Variants in RTTN observed in about 807,000 individuals in gnomAD.
RTTN encodes the protein rotatin.
RTTN carries 182 observed loss-of-function variants against 269.2 expected under a neutral mutation model. The ratio of observed to expected loss-of-function variants is 0.68; its 90% CI spans 0.60 to 0.76. RTTN has a LOEUF of 0.76. RTTN is among the 30% of genes least tolerant of loss of function. The pLI is 0.00. For synonymous variants in RTTN, 1,006 were observed against 963.5 expected (o/e 1.04, Z -0.82); for missense variants, 2,545 against 2,608.6 (o/e 0.98, Z 0.53).
chr18:70,104,081 G>A (rs1482841106), intron 28 of RTTN, among the ~76,000 whole-genome samples: 2 of 152,190 alleles, frequency 1.3e-5, no homozygotes, highest in African/African-American at 4.8e-5. Flanking sequence ...CCTGAAGAGC[G>A]TTTTCCAACT....
intron 40 of RTTN, among the ~76,000 whole-genome samples, chr18:70,032,792 T>C (rs1415902000): frequency 6.6e-6 from 1 of 152,142 alleles, no homozygotes; most frequent in Non-Finnish European, 1.5e-5. Context: ...TTAACAAAGA[T>C]ATTCAAGACC....
chr18:70,140,436 TA>T (rs2060228130), intron 19 of RTTN, among the ~76,000 whole-genome samples: 1 of 152,146 alleles, frequency 6.6e-6, no homozygotes, highest in South Asian at 2.1e-4. Flanking sequence ...AAAAAAGAAT[TA>T]TGGAACTAGT....
chr18:70,166,042 AC>A lies in RTTN; in HGVS notation c.1929+19del, dbSNP rs758207907. 2 of 1,612,238 alleles carry A rather than the reference AC, an allele frequency of 1.2e-6. No individual in the cohort carries two copies. Among genetic ancestry groups the A allele is most frequent in the South Asian group, 2.2e-5 (2 of 90,844 alleles). ...CTATTTGTTCTCAAAAACAAAACAT[AC>A]GAAAAAACAAAACCTCACCTTCGTG... On this transcript the variant is annotated intron_variant, in intron 14 of 48. Transcript: ENST00000640769.
At chr18:70,174,453 T>C (rs1312926133) in intron 11 of RTTN, among the ~76,000 whole-genome samples, 1 of 152,160 alleles carries the variant, frequency 6.6e-6, no homozygotes, top group Non-Finnish European at 1.5e-5. Flanking sequence ...AATAAAAACA[T>C]GTTTAAGCAT....
intron 47 of RTTN, chr18:70,005,976 C>T (rs1169642853): frequency 6.3e-6 from 1 of 158,466 alleles, no homozygotes; most frequent in Non-Finnish European, 1.4e-5. Context: ...AGGCTTTGGG[C>T]TGCAGTCGTA....
intron 21 of RTTN, chr18:70,138,306 A>T (rs914929479): frequency 3.3e-5 from 5 of 152,030 alleles, no homozygotes; most frequent in Admixed American, 3.3e-4. Context: ...AGTAAGTAAA[A>T]TTTTTCCTGA....
intron 24 of RTTN, 102 bp from the exon 25 acceptor site, chr18:70,127,843 ATTTTC>A: frequency 5.5e-6 from 6 of 1,084,538 alleles, no homozygotes; most frequent in South Asian, 1.7e-5. Flanking sequence ...TTTTATCTTC[ATTTTC>A]TTTTAACAAA....
At chr18:70,131,345 T>C (rs2059994458) in intron 23 of RTTN, 2 of 151,326 alleles carry the variant, frequency 1.3e-5, no homozygotes, top group African/African-American at 4.8e-5. Flanking sequence ...TCTTATAGAA[T>C]TTAAAATATG....
At chr18:70,155,059 C>T (rs1364749259) in intron 14 of RTTN, among the ~76,000 whole-genome samples, 1 of 152,194 alleles carries the variant, frequency 6.6e-6, no homozygotes, top group African/African-American at 2.4e-5. Flanking sequence ...AATTAGCCAT[C>T]ATGTTCAAGG....
In RTTN at chr18:70,140,169, C is replaced by T. The variant is rs2145715138; in HGVS notation, c.2601G>A (p.Val867=). Residue 867 remains valine, a synonymous_variant, in exon 20 of 49, where the codon GTG becomes GTA. Transcript: ENST00000640769. ...VIMQDIKMHA[V]VKKLCLIDKI... is the part of the protein sequence containing the mutation. ...TGTCAATTAAGCATAACTTTTTCAC[C>T]ACAGCATGCATTTTAATATCTGTAG... 1.3e-6 allele frequency: 2 copies of T among 1,584,110 alleles called. No homozygotes were observed. Among genetic ancestry groups the T allele is most frequent in the Non-Finnish European group, 1.7e-6 (2 of 1,154,478 alleles).
At chr18:70,062,097 A>T (rs6566457) in intron 35 of RTTN, among the ~76,000 whole-genome samples, 137,188 of 152,224 alleles carry the variant, frequency 0.9, 62,675 homozygotes, top group East Asian at 1. Flanking sequence ...GTTACAGTTC[A>T]TTTTGCCAAT....
chr18:70,073,427 T>G (rs1568334419), intron 34 of RTTN, among the ~76,000 whole-genome samples: 1 of 152,162 alleles, frequency 6.6e-6, no homozygotes, highest in South Asian at 2.1e-4. Flanking sequence ...CTAGAATCAT[T>G]TGAATGTTCT....
intron 14 of RTTN, among the ~76,000 whole-genome samples, chr18:70,160,965 A>G (rs1366310494): frequency 6.6e-6 from 1 of 152,198 alleles, no homozygotes; most frequent in African/African-American, 2.4e-5. Context: ...CAAACTACCA[A>G]TGTCATTCTT....
intron 11 of RTTN, among the ~76,000 whole-genome samples, chr18:70,173,093 C>T (rs537649147): frequency 7.9e-5 from 12 of 152,236 alleles, no homozygotes; most frequent in Non-Finnish European, 1.8e-4. Context: ...AAAAGTAACA[C>T]AAGTGATGTT....
intron 14 of RTTN, among the ~76,000 whole-genome samples, chr18:70,152,885 A>C (rs1433887910): frequency 6.6e-6 from 1 of 152,218 alleles, no homozygotes; most frequent in Non-Finnish European, 1.5e-5. Context: ...TCATCAGATC[A>C]CGTTAAAATC....
intron 38 of RTTN, chr18:70,053,149 T>G (rs2057722946): frequency 6.6e-6 from 1 of 152,236 alleles, no homozygotes. Context: ...ATACATCTTG[T>G]GTATCTTCCA....
rs2059892690 is a variant in RTTN at position 70,127,419 on chromosome 18, C to T, written c.3383+83G>A. 4.7e-6 allele frequency: 7 copies of T among 1,494,392 alleles called. No homozygotes were observed. The Admixed American group carries it at 6.0e-5, about 13-fold the overall frequency. The allele number at this position is 1,494,392 out of a possible 1,614,324, so 92.6% of individuals were successfully genotyped here. ...ATGATAGCAGCAGTAAGGGCATAGA[C>T]TCTTATCTTCAAAGGTTAGGAGATG... On this transcript the variant is annotated intron_variant, in intron 25 of 48. Coordinates refer to ENST00000640769, the MANE Select transcript of RTTN (RefSeq NM_173630.4).
chr18:70,091,452 C>T (rs927779074), intron 30 of RTTN: 1 of 152,038 alleles, frequency 6.6e-6, no homozygotes, highest in African/African-American at 2.4e-5. Flanking sequence ...CTCTATACCA[C>T]CCCTCCCTCC....
rs1488133997 is a variant in RTTN at position 70,150,059 on chromosome 18, A to C, written c.2084T>G (p.Leu695Ter). 1 of 1,613,338 alleles carries C rather than the reference A, an allele frequency of 6.2e-7. No individual in the cohort carries two copies. Among genetic ancestry groups the C allele is most frequent in the South Asian group, 1.1e-5 (1 of 91,062 alleles). ...CATCAATCGTCCCTGAAGCAGGTATAACAGAATGGCCTTGGCAGCAGTGTT... is the reference window on the plus strand; with the variant it reads ...CATCAATCGTCCCTGAAGCAGGTATCACAGAATGGCCTTGGCAGCAGTGTT... ...EVNTAAKAIL[L>*]YLLQGRLMMT... Residue 695 changes from leucine to a stop codon, truncating the protein, a stop_gained, in exon 16 of 49, where the codon TTA (leucine) becomes TGA (stop). Transcript: ENST00000640769. LOFTEE classifies it high-confidence loss of function.
Sources: allele counts gnomAD v4.1 joint callset (sites outside exome capture counted in the v4.1 genomes callset), GRCh38; gene constraint gnomAD v4.1.1; transcripts MANE v1.5; gene names NCBI Gene and HGNC (gene_info 2026-07-23, HGNC 2026-07-21).